The following SHTN1 variants were observed in gnomAD, a reference collection of about 807,000 sequenced individuals.
The protein encoded by SHTN1 is shootin 1.
A neutral mutation model predicts 83.1 loss-of-function variants in SHTN1; 42 were observed. That is an observed-to-expected ratio of 0.51 (90% confidence interval 0.39 to 0.65). The LOEUF (loss-of-function observed/expected upper bound fraction) is 0.65. Among genes scored for constraint, SHTN1 ranks in the 30% least tolerant of loss-of-function variants. The pLI is 0.00. For missense variants in SHTN1, 622 were observed against 737.8 expected (o/e 0.84, Z 1.82); for synonymous variants, 224 against 247.7 (o/e 0.90, Z 0.90).
intron 1 of SHTN1, among the ~76,000 whole-genome samples, chr10:117,111,397 G>C (rs1589936960): frequency 6.6e-6 from 1 of 151,312 alleles, no homozygotes; most frequent in Non-Finnish European, 1.5e-5. Context: ...AGGTTCAAGC[G>C]ATTATCCTGC....
At chr10:116,897,603 T>C (rs1847568376) in intron 16 of SHTN1, among the ~76,000 whole-genome samples, 2 of 152,228 alleles carry the variant, frequency 1.3e-5, no homozygotes, top group African/African-American at 4.8e-5. Context: ...CCCAGCAATA[T>C]AATTGTAAGA....
chr10:116,925,792 T>C (rs889656852), intron 11 of SHTN1, among the ~76,000 whole-genome samples: 3 of 152,016 alleles, frequency 2.0e-5, no homozygotes, highest in African/African-American at 7.2e-5. Context: ...GTCAAATGAG[T>C]GGGAAGAGAA....
At position 117,038,157 on chromosome 10, in the gene SHTN1, T is replaced by C. The variant is rs985653145; in HGVS notation, c.-123+10288A>G. On this transcript the variant is annotated intron_variant, in intron 2 of 17. Coordinates refer to the SHTN1 transcript ENST00000392901. The stretch of plus-strand genomic sequence containing the variant: ...GATGACTTTTTATACTTTTTGTTTT[T>C]TGAGACAGGGTCATGCTCTGTCACC... Among the ~76,000 whole-genome samples the C allele has an allele frequency of 2.0e-5, 3 of 152,076 alleles. No individual in the cohort carries two copies. In the East Asian group the frequency reaches 5.8e-4, roughly 29 times the overall value.
intron 2 of SHTN1, chr10:116,974,168 G>T: frequency 9.7e-7 from 1 of 1,031,546 alleles, no homozygotes; most frequent in Non-Finnish European, 1.2e-6. Flanking sequence ...GGTATTGTGT[G>T]TTAGATGGAA....
At chr10:116,913,102 G>A (rs972785098) in intron 13 of SHTN1, among the ~76,000 whole-genome samples, 12 of 152,028 alleles carry the variant, frequency 7.9e-5, no homozygotes, top group African/African-American at 2.2e-4. Context: ...GAAAATAAGC[G>A]GTTAAATTAA....
chr10:116,924,060 C>T (rs1243106681), intron 11 of SHTN1, among the ~76,000 whole-genome samples: 1 of 152,198 alleles, frequency 6.6e-6, no homozygotes, highest in Non-Finnish European at 1.5e-5. Context: ...TGTCTAGTTT[C>T]TCTTCTTTGG....
At chr10:117,017,549 T>G (rs1852198131) in intron 2 of SHTN1, among the ~76,000 whole-genome samples, 2 of 151,794 alleles carry the variant, frequency 1.3e-5, no homozygotes, top group Non-Finnish European at 2.9e-5. Flanking sequence ...ACCAAAAGAT[T>G]AGATAAATAT....
intron 1 of SHTN1, among the ~76,000 whole-genome samples, chr10:117,125,566 T>G (rs1442185945): frequency 6.6e-6 from 1 of 152,148 alleles, no homozygotes; most frequent in Non-Finnish European, 1.5e-5. Context: ...GATCTTTAGT[T>G]TGGTCTTCAG....
At chr10:116,994,907 T>C (rs988526591) in intron 1 of SHTN1, among the ~76,000 whole-genome samples, 1 of 152,128 alleles carries the variant, frequency 6.6e-6, no homozygotes, top group Admixed American at 6.5e-5. Flanking sequence ...CTAAATTATA[T>C]AAGAAACATT....
chr10:116,965,072 T>C (rs1401199585), intron 3 of SHTN1, among the ~76,000 whole-genome samples: 1 of 152,166 alleles, frequency 6.6e-6, no homozygotes, highest in African/African-American at 2.4e-5. Context: ...GTGTTCTTTG[T>C]GTGTAGGAGG....
At chr10:116,970,712 CAAAA>C (rs1203374258) in intron 2 of SHTN1, among the ~76,000 whole-genome samples, 1 of 68,198 alleles carries the variant, frequency 1.5e-5, no homozygotes, top group Non-Finnish European at 3.0e-5. Context: ...GACTTACTCT[CAAAA>C]AAAAAAAAAA....
intron 16 of SHTN1, among the ~76,000 whole-genome samples, chr10:116,895,060 TAAAAAGGCATAGAATAAAGTG>T (rs1351805322): frequency 6.6e-6 from 1 of 152,176 alleles, no homozygotes; most frequent in East Asian, 1.9e-4. Flanking sequence ...GAAGCTCTCT[TAAAAAGGCATAGAATAAAGTG>T]GATACAATAA....
chr10:117,057,054 A>G (rs894415830), intron 1 of SHTN1, among the ~76,000 whole-genome samples: 1 of 152,160 alleles, frequency 6.6e-6, no homozygotes, highest in Admixed American at 6.5e-5. Flanking sequence ...AGGCATACCA[A>G]TTGGAAAGGA....
intron 9 of SHTN1, among the ~76,000 whole-genome samples, chr10:116,933,978 G>C (rs1849063179): frequency 6.6e-6 from 1 of 152,052 alleles, no homozygotes; most frequent in African/African-American, 2.4e-5. Context: ...TTTGAGAAGT[G>C]TCTGTTCATA....
At chr10:116,913,068 C>G (rs1038361143) in intron 13 of SHTN1, among the ~76,000 whole-genome samples, 2 of 152,164 alleles carry the variant, frequency 1.3e-5, no homozygotes, top group African/African-American at 4.8e-5. Context: ...ACCACCACCA[C>G]CACCACTACC....
chr10:116,938,955 G>A (rs1344490363), intron 9 of SHTN1, among the ~76,000 whole-genome samples: 1 of 152,226 alleles, frequency 6.6e-6, no homozygotes, highest in African/African-American at 2.4e-5. Flanking sequence ...TGGTGGCTTT[G>A]TTTACACTGT....
intron 1 of SHTN1, among the ~76,000 whole-genome samples, chr10:117,102,663 CCTTT>C (rs1853611871): frequency 6.6e-6 from 1 of 151,854 alleles, no homozygotes. Context: ...GAATTCAGTT[CCTTT>C]CTTAAGAGTC....
At position 116,884,810 on chromosome 10, in the gene SHTN1, TGG is replaced by T. The variant is rs1160602235; in HGVS notation, c.*1532_*1533del. The stretch of plus-strand genomic sequence containing the variant: ...CAACTGACCCTTAATGGGAAACTAT[TGG>T]TGCCTTTTTAATAAGTTGTGGTGAG... On this transcript the variant is annotated 3_prime_UTR_variant, in exon 17 of 17. Transcript: ENST00000355371. 1 of 155,914 alleles carries T rather than the reference TGG, an allele frequency of 6.4e-6. No individual in the cohort carries two copies. Among genetic ancestry groups the T allele is most frequent in the Non-Finnish European group, 1.4e-5 (1 of 70,154 alleles). The allele number at this position is 155,914 out of a possible 1,614,324, so 9.7% of individuals were successfully genotyped here.
intron 7 of SHTN1, among the ~76,000 whole-genome samples, chr10:116,945,538 A>C (rs1241275792): frequency 6.6e-6 from 1 of 152,186 alleles, no homozygotes; most frequent in East Asian, 1.9e-4. Context: ...GCCATTTCAC[A>C]GAATAGAAAA....
Sources: allele counts gnomAD v4.1 joint callset (sites outside exome capture counted in the v4.1 genomes callset), GRCh38; gene constraint gnomAD v4.1.1; transcripts MANE v1.5; gene names NCBI Gene and HGNC (gene_info 2026-07-23, HGNC 2026-07-21).